Variants in LRRC4C observed in about 807,000 individuals in gnomAD.
LRRC4C encodes the protein leucine rich repeat containing 4C, also known as leucine-rich repeat-containing protein 4C.
A neutral mutation model predicts 33.6 loss-of-function variants in LRRC4C; 5 were observed. The observed-to-expected ratio is 0.15, with a 90% CI of 0.08 to 0.31. The LOEUF (loss-of-function observed/expected upper bound fraction) is 0.31. Ranked by LOEUF, LRRC4C falls within the 10% of genes least tolerant of loss-of-function variation. The probability of loss-of-function intolerance (pLI) is 1.00; values close to 1 mark genes in which losing one functional copy is unlikely to be tolerated. For synonymous variants in LRRC4C, 329 were observed against 302.0 expected (o/e 1.09, Z -0.93); for missense variants, 560 against 796.7 (o/e 0.70, Z 3.58).
At chr11:41,009,475 G>A (rs376462892) in intron 1 of LRRC4C, among the ~76,000 whole-genome samples, 1 of 152,028 alleles carries the variant, frequency 6.6e-6, no homozygotes, top group Non-Finnish European at 1.5e-5. Flanking sequence ...AAGAGGTTGT[G>A]AGCTTTGCTC....
At chr11:40,228,067 G>C (rs1010895480) in intron 5 of LRRC4C, among the ~76,000 whole-genome samples, 5 of 152,134 alleles carry the variant, frequency 3.3e-5, no homozygotes, top group Non-Finnish European at 7.4e-5. Context: ...TCAGACTCCA[G>C]GGTCTCCACA....
chr11:41,250,449 T>C (rs1169713043), intron 1 of LRRC4C, among the ~76,000 whole-genome samples: 1 of 152,210 alleles, frequency 6.6e-6, no homozygotes, highest in Non-Finnish European at 1.5e-5. Context: ...TGTCACTTTG[T>C]AAAGGTCATA....
intron 2 of LRRC4C, among the ~76,000 whole-genome samples, chr11:40,777,136 C>G (rs906953599): frequency 6.6e-6 from 1 of 152,152 alleles, no homozygotes; most frequent in East Asian, 1.9e-4. Context: ...ACTTGCTTTA[C>G]AGGCAAGCAT....
At chr11:40,176,076 A>T (rs1209638334) in intron 5 of LRRC4C, among the ~76,000 whole-genome samples, 1 of 152,086 alleles carries the variant, frequency 6.6e-6, no homozygotes, top group African/African-American at 2.4e-5. Flanking sequence ...TTATTTAGAG[A>T]GTTTAGGGAG....
At chr11:41,031,294 T>C (rs144110906) in intron 1 of LRRC4C, among the ~76,000 whole-genome samples, 1 of 152,118 alleles carries the variant, frequency 6.6e-6, no homozygotes, top group African/African-American at 2.4e-5. Context: ...ATCTGGACTA[T>C]AGACTCTTAG....
intron 1 of LRRC4C, among the ~76,000 whole-genome samples, chr11:41,352,533 A>G (rs1952018870): frequency 6.6e-6 from 1 of 152,174 alleles, no homozygotes; most frequent in African/African-American, 2.4e-5. Flanking sequence ...AGACATCTAC[A>G]TATACAGAAC....
chr11:40,901,153 A>AT lies in LRRC4C; in HGVS notation c.-407+32481dup, dbSNP rs201353664. Among the ~76,000 whole-genome samples the AT allele has an allele frequency of 6.0e-3, 909 of 152,172 alleles. 12 individuals are homozygous for AT. Among genetic ancestry groups the AT allele is most frequent in the African/African-American group, 0.021 (860 of 41,538 alleles). On this transcript the variant is annotated intron_variant, in intron 2 of 6. Coordinates refer to ENST00000528697, the MANE Select transcript of LRRC4C (RefSeq NM_001258419.2). ...CACATTTCACAAACTGCCTGATCTT[A>AT]TTTTTTAAAAAGTGTCAGAACACCT...
In LRRC4C at chr11:40,514,647, T is replaced by G. The variant is rs533852493; in HGVS notation, c.-270+133495A>C. On this transcript the variant is annotated intron_variant, in intron 3 of 6. Coordinates refer to ENST00000528697, the MANE Select transcript of LRRC4C (RefSeq NM_001258419.2). ...TATTTTAATTATTTTATAAGGATTTTCCTTCCATCTATTGTCTTCTTTGCA... is the reference window on the plus strand; with the variant it reads ...TATTTTAATTATTTTATAAGGATTTGCCTTCCATCTATTGTCTTCTTTGCA... Among the ~76,000 whole-genome samples, 5 of 152,260 alleles carry G rather than the reference T, an allele frequency of 3.3e-5. No homozygotes were observed. The South Asian group carries it at 8.3e-4, about 25-fold the overall frequency.
chr11:41,321,037 T>G (rs2137271703), intron 1 of LRRC4C, among the ~76,000 whole-genome samples: 1 of 152,346 alleles, frequency 6.6e-6, no homozygotes, highest in Non-Finnish European at 1.5e-5. Context: ...TTCTTCATAC[T>G]TCAGATTTCC....
chr11:40,995,317 C>T (rs1035970316), intron 1 of LRRC4C, among the ~76,000 whole-genome samples: 5 of 152,008 alleles, frequency 3.3e-5, no homozygotes, highest in African/African-American at 9.7e-5. Context: ...TATAAAAGTG[C>T]TTAAACAGGC....
intron 2 of LRRC4C, among the ~76,000 whole-genome samples, chr11:40,730,960 G>T (rs781260593): frequency 9.9e-5 from 15 of 152,152 alleles, no homozygotes; most frequent in Non-Finnish European, 2.1e-4. Context: ...TCTCAAGGGG[G>T]TGGAAATCTC....
chr11:40,452,916 C>G (rs1951954172), intron 3 of LRRC4C, among the ~76,000 whole-genome samples: 1 of 151,360 alleles, frequency 6.6e-6, no homozygotes, highest in Non-Finnish European at 1.5e-5. Context: ...TCATTCTCAG[C>G]AAACTATCGC....
intron 2 of LRRC4C, among the ~76,000 whole-genome samples, chr11:40,868,470 T>C (rs749066193): frequency 1.3e-5 from 2 of 152,114 alleles, no homozygotes; most frequent in Non-Finnish European, 2.9e-5. Context: ...CATTTTTAGA[T>C]GAGTCAGCAG....
At chr11:40,303,864 T>C (rs915397790) in intron 4 of LRRC4C, among the ~76,000 whole-genome samples, 4 of 152,188 alleles carry the variant, frequency 2.6e-5, no homozygotes, top group African/African-American at 9.6e-5. Flanking sequence ...CCTGATGAAG[T>C]GCTTTCAGGT....
intron 1 of LRRC4C, among the ~76,000 whole-genome samples, chr11:40,961,219 C>T (rs2136869485): frequency 6.6e-6 from 1 of 151,810 alleles, no homozygotes. Flanking sequence ...ATTTCTGAGA[C>T]AAGAGCTATT....
intron 1 of LRRC4C, among the ~76,000 whole-genome samples, chr11:40,968,466 T>A (rs1851503752): frequency 6.6e-6 from 1 of 152,112 alleles, no homozygotes; most frequent in South Asian, 2.1e-4. Context: ...AAAATGACTA[T>A]GTTGGAATGA....
intron 3 of LRRC4C, among the ~76,000 whole-genome samples, chr11:40,522,665 A>C (rs3913051): frequency 0.071 from 10,833 of 152,154 alleles, 1,036 homozygotes; most frequent in African/African-American, 0.22. Flanking sequence ...TTTTTCATGT[A>C]CCCTAACTGA....
chr11:40,587,959 C>T lies in LRRC4C; in HGVS notation c.-270+60183G>A, dbSNP rs547113345. Among the ~76,000 whole-genome samples the T allele has an allele frequency of 6.0e-3, 916 of 152,004 alleles. 1 individual carries two copies. Among genetic ancestry groups the T allele is most frequent in the African/African-American group, 8.8e-3 (367 of 41,470 alleles). The stretch of plus-strand genomic sequence containing the variant: ...TCTCTTTTTTGGTTGTGTCTCTGCC[C>T]GGCTTTGGTATCAGAATGATGCTGG... On this transcript the variant is annotated intron_variant, in intron 3 of 6. Transcript: ENST00000528697.
At chr11:40,859,604 C>T (rs992040671) in intron 2 of LRRC4C, among the ~76,000 whole-genome samples, 8 of 151,730 alleles carry the variant, frequency 5.3e-5, no homozygotes, top group African/African-American at 9.7e-5. Context: ...TTGCTCTGTA[C>T]CCAAAAGAAA....
Sources: gnomAD v4.1 joint callset for allele counts (sites outside exome capture counted in the v4.1 genomes callset) on GRCh38, gnomAD v4.1.1 for gene constraint, MANE v1.5 for transcripts, NCBI Gene and HGNC (gene_info 2026-07-23, HGNC 2026-07-21) for gene names.